CYB5A: variants seen among roughly 807,000 people sequenced by gnomAD.
The protein encoded by CYB5A is cytochrome b5.
CYB5A carries 10 observed loss-of-function variants against 16.2 expected under a neutral mutation model. The ratio of observed to expected loss-of-function variants is 0.62; its 90% CI spans 0.38 to 1.04. CYB5A has a LOEUF of 1.04. CYB5A is among the 50% of genes least tolerant of loss of function. CYB5A has a pLI of 0.01. For missense variants in CYB5A, 161 were observed against 165.9 expected (o/e 0.97, Z 0.16); for synonymous variants, 62 against 57.0 (o/e 1.09, Z -0.40).
At chr18:74,265,328 C>T (rs1292061116) in intron 1 of CYB5A, among the ~76,000 whole-genome samples, 1 of 152,022 alleles carries the variant, frequency 6.6e-6, no homozygotes, top group Non-Finnish European at 1.5e-5. Flanking sequence ...TACACACACA[C>T]GTATGTGTAT....
intron 4 of CYB5A, among the ~76,000 whole-genome samples, chr18:74,255,009 C>G (rs1272190332): frequency 6.6e-6 from 1 of 152,086 alleles, no homozygotes; most frequent in Non-Finnish European, 1.5e-5. Context: ...ACAAGTGTAA[C>G]TTTTGTCTTA....
intron 1 of CYB5A, among the ~76,000 whole-genome samples, chr18:74,284,946 C>T (rs1465184542): frequency 6.6e-6 from 1 of 152,184 alleles, no homozygotes. Context: ...GCTGTCCCCA[C>T]CCAATCTTCA....
At chr18:74,265,805 C>T (rs1349322891) in intron 1 of CYB5A, among the ~76,000 whole-genome samples, 2 of 152,200 alleles carry the variant, frequency 1.3e-5, no homozygotes, top group African/African-American at 4.8e-5. Flanking sequence ...ACAACCAACT[C>T]TGCCTGAACT....
Position 74,253,504 on chromosome 18 carries a change from T to A in CYB5A, c.*80A>T. The A allele has an allele frequency of 1.2e-6, 1 of 812,740 alleles. No individual in the cohort carries two copies. The highest frequency in any genetic ancestry group is 2.1e-6 in the Non-Finnish European group (1 of 466,372). The allele number at this position is 812,740 out of a possible 1,614,324, so 50.3% of individuals were successfully genotyped here. A position where few individuals can be genotyped will look rare whatever the true frequency, so the allele number is the denominator to read the frequency against. On this transcript the variant is annotated 3_prime_UTR_variant, in exon 5 of 5. Transcript: ENST00000340533. Reference sequence around the variant, plus strand: ...CATTGTTTTCAAGTGAAGGTTTCTGTCAGTTGAAGTAGTTAGCAATGGCTT... The same window carrying A: ...CATTGTTTTCAAGTGAAGGTTTCTGACAGTTGAAGTAGTTAGCAATGGCTT...
At chr18:74,279,396 TC>T (rs1983003152) in intron 1 of CYB5A, among the ~76,000 whole-genome samples, 1 of 152,156 alleles carries the variant, frequency 6.6e-6, no homozygotes, top group Non-Finnish European at 1.5e-5. Context: ...AGGCATGGTG[TC>T]AGCCACCTGT....
intron 1 of CYB5A, among the ~76,000 whole-genome samples, chr18:74,290,658 C>T (rs574341587): frequency 1.3e-5 from 2 of 152,298 alleles, no homozygotes; most frequent in Admixed American, 6.5e-5. Flanking sequence ...GTCCCCTGCT[C>T]CCCGACTATG....
chr18:74,280,101 G>A (rs1394157181), intron 1 of CYB5A, among the ~76,000 whole-genome samples: 1 of 152,174 alleles, frequency 6.6e-6, no homozygotes, highest in Non-Finnish European at 1.5e-5. Flanking sequence ...CTTAAATACG[G>A]TGGTCAGGTG....
chr18:74,282,511 A>G (rs557138968), intron 1 of CYB5A, among the ~76,000 whole-genome samples: 1 of 152,306 alleles, frequency 6.6e-6, no homozygotes, highest in Admixed American at 6.5e-5. Context: ...GGCACCGGAC[A>G]TGGGCCAGGT....
At chr18:74,273,560 A>G (rs1330520213) in intron 1 of CYB5A, among the ~76,000 whole-genome samples, 1 of 152,236 alleles carries the variant, frequency 6.6e-6, no homozygotes, top group African/African-American at 2.4e-5. Context: ...GCTGTGAAAA[A>G]TCAACACACT....
At chr18:74,273,283 T>C (rs1982741765) in intron 1 of CYB5A, among the ~76,000 whole-genome samples, 1 of 152,156 alleles carries the variant, frequency 6.6e-6, no homozygotes, top group Admixed American at 6.5e-5. Context: ...GTCATCCCAA[T>C]AAACGGCACT....
intron 1 of CYB5A, among the ~76,000 whole-genome samples, chr18:74,267,536 G>T (rs932670084): frequency 3.0e-4 from 46 of 152,316 alleles, no homozygotes; most frequent in African/African-American, 1.1e-3. Context: ...TTATGCCATC[G>T]TGGTTATGCC....
intron 1 of CYB5A, among the ~76,000 whole-genome samples, chr18:74,273,127 T>C (rs550249661): frequency 2.0e-5 from 3 of 152,256 alleles, no homozygotes; most frequent in African/African-American, 4.8e-5. Flanking sequence ...AACACAAATA[T>C]GGCAGAAAAT....
chr18:74,287,255 G>A (rs947617329), intron 1 of CYB5A, among the ~76,000 whole-genome samples: 3 of 152,170 alleles, frequency 2.0e-5, no homozygotes, highest in African/African-American at 7.2e-5. Flanking sequence ...TTAGTAGCAT[G>A]AGATTCAGAA....
At chr18:74,259,995 A>G (rs919069404) in intron 3 of CYB5A, 2 of 152,340 alleles carry the variant, frequency 1.3e-5, no homozygotes, top group South Asian at 2.1e-4. Context: ...CTTTTATTGT[A>G]CTATCAGGGA....
At chr18:74,269,255 C>T (rs1401812430) in intron 1 of CYB5A, among the ~76,000 whole-genome samples, 6 of 141,480 alleles carry the variant, frequency 4.2e-5, no homozygotes, top group African/African-American at 1.5e-4. Context: ...CAGTGGTTCT[C>T]TTCTCCTTGA....
intron 4 of CYB5A, among the ~76,000 whole-genome samples, chr18:74,254,471 T>C (rs1388141966): frequency 6.7e-6 from 1 of 149,672 alleles, no homozygotes; most frequent in Non-Finnish European, 1.5e-5. Context: ...AATTACAGAT[T>C]ACAAATCAAA....
intron 3 of CYB5A, 113 bp downstream of exon 3, chr18:74,260,802 C>T: frequency 1.1e-6 from 1 of 888,584 alleles, no homozygotes; most frequent in Non-Finnish European, 1.9e-6. Context: ...ATTCATTTAT[C>T]TAGAAAGACC....
chr18:74,262,144 C>A (rs920296365), intron 2 of CYB5A, among the ~76,000 whole-genome samples: 4 of 152,164 alleles, frequency 2.6e-5, no homozygotes, highest in African/African-American at 9.7e-5. Flanking sequence ...CGTAACACAG[C>A]ACAGTGTTTA....
At chr18:74,255,807 TC>T (rs1157492056) in intron 3 of CYB5A, 32 bp from the exon 4 acceptor site, 1 of 1,545,828 alleles carries the variant, frequency 6.5e-7, no homozygotes, top group African/African-American at 1.4e-5. Flanking sequence ...TAAAGTAAGT[TC>T]AAGGGAATGC....
Sources: allele counts gnomAD v4.1 joint callset (sites outside exome capture counted in the v4.1 genomes callset), GRCh38; gene constraint gnomAD v4.1.1; transcripts MANE v1.5; gene names NCBI Gene and HGNC (gene_info 2026-07-23, HGNC 2026-07-21).